Variants in NKAIN2 observed in about 807,000 individuals in gnomAD.
NKAIN2 encodes the protein sodium/potassium transporting ATPase interacting 2.
NKAIN2 carries 14 observed loss-of-function variants against 32.6 expected under a neutral mutation model. That is an observed-to-expected ratio of 0.43 (90% CI 0.28 to 0.67). The LOEUF (loss-of-function observed/expected upper bound fraction) is 0.67. Among genes scored for constraint, NKAIN2 ranks in the 30% least tolerant of loss-of-function variants. NKAIN2 has a pLI of 0.17. For synonymous variants in NKAIN2, 80 were observed against 87.2 expected (o/e 0.92, Z 0.46); for missense variants, 198 against 258.3 (o/e 0.77, Z 1.60).
chr6:123,814,734 C>A (rs535989238), intron 1 of NKAIN2, among the ~76,000 whole-genome samples: 3 of 152,230 alleles, frequency 2.0e-5, no homozygotes, highest in African/African-American at 7.2e-5. Context: ...ACTTTACACA[C>A]AAACTAGGGT....
At chr6:124,151,395 C>T (rs1007575645) in intron 1 of NKAIN2, among the ~76,000 whole-genome samples, 27 of 151,978 alleles carry the variant, frequency 1.8e-4, no homozygotes, top group Admixed American at 3.9e-4. Flanking sequence ...TTTAGATCCT[C>T]CTTTCTCCCT....
At chr6:124,089,673 C>T (rs1488923544) in intron 1 of NKAIN2, among the ~76,000 whole-genome samples, 1 of 151,968 alleles carries the variant, frequency 6.6e-6, no homozygotes, top group African/African-American at 2.4e-5. Flanking sequence ...TACCTCTCTC[C>T]CTTAGAAAGA....
intron 1 of NKAIN2, among the ~76,000 whole-genome samples, chr6:123,874,435 C>T (rs1773066733): frequency 6.6e-6 from 1 of 152,058 alleles, no homozygotes; most frequent in Non-Finnish European, 1.5e-5. Context: ...TGTTTACAGC[C>T]CTGACTGGGA....
At chr6:124,815,964 C>T (rs1781144345) in intron 5 of NKAIN2, among the ~76,000 whole-genome samples, 1 of 152,050 alleles carries the variant, frequency 6.6e-6, no homozygotes, top group African/African-American at 2.4e-5. Flanking sequence ...AGTTGTTTAT[C>T]CAAGGTCACA....
At chr6:124,759,849 C>G (rs1422081426) in intron 4 of NKAIN2, among the ~76,000 whole-genome samples, 1 of 151,718 alleles carries the variant, frequency 6.6e-6, no homozygotes, top group Admixed American at 6.6e-5. Context: ...TCGGAGAAAA[C>G]ATTCACAAGC....
At chr6:124,573,458 A>G (rs1174542491) in intron 3 of NKAIN2, among the ~76,000 whole-genome samples, 1 of 150,724 alleles carries the variant, frequency 6.6e-6, no homozygotes, top group Non-Finnish European at 1.5e-5. Context: ...TGTTGAGACT[A>G]ATTCCTCATA....
At chr6:124,095,804 C>T (rs1784625109) in intron 1 of NKAIN2, among the ~76,000 whole-genome samples, 1 of 152,128 alleles carries the variant, frequency 6.6e-6, no homozygotes, top group Non-Finnish European at 1.5e-5. Context: ...TTGCATTCAA[C>T]ATCAAGCTTA....
intron 1 of NKAIN2, among the ~76,000 whole-genome samples, chr6:123,858,343 C>T (rs1330952734): frequency 5.9e-5 from 9 of 151,952 alleles, no homozygotes; most frequent in South Asian, 2.1e-4. Flanking sequence ...CTCAAACTCC[C>T]GACCTCAGGT....
chr6:124,232,368 A>C (rs1345269392), intron 1 of NKAIN2, among the ~76,000 whole-genome samples: 1 of 152,214 alleles, frequency 6.6e-6, no homozygotes, highest in Non-Finnish European at 1.5e-5. Flanking sequence ...CTGAAATTAA[A>C]GGAAACAGAG....
At chr6:123,820,135 A>G (rs528786617) in intron 1 of NKAIN2, among the ~76,000 whole-genome samples, 1 of 152,314 alleles carries the variant, frequency 6.6e-6, no homozygotes, top group Admixed American at 6.5e-5. Flanking sequence ...AAAATCTTTC[A>G]AAACAATCCA....
intron 4 of NKAIN2, among the ~76,000 whole-genome samples, chr6:124,754,620 A>G (rs1777878801): frequency 6.6e-6 from 1 of 152,112 alleles, no homozygotes; most frequent in Non-Finnish European, 1.5e-5. Context: ...GGCTATTACT[A>G]AAAGTTCAAA....
At chr6:124,413,108 C>A (rs954523917) in intron 3 of NKAIN2, among the ~76,000 whole-genome samples, 1 of 152,132 alleles carries the variant, frequency 6.6e-6, no homozygotes, top group Non-Finnish European at 1.5e-5. Context: ...AATTCCCTGA[C>A]CCCTTGCACT....
chr6:124,210,828 A>G (rs1200012170), intron 1 of NKAIN2, among the ~76,000 whole-genome samples: 3 of 151,780 alleles, frequency 2.0e-5, no homozygotes, highest in Non-Finnish European at 2.9e-5. Flanking sequence ...TATCAGTTCA[A>G]TTAGTTTTTT....
intron 1 of NKAIN2, among the ~76,000 whole-genome samples, chr6:123,881,865 C>T (rs1773473249): frequency 6.6e-6 from 1 of 152,088 alleles, no homozygotes; most frequent in African/African-American, 2.4e-5. Context: ...ATGAATATGA[C>T]ACTTTTAGTC....
At position 124,210,800 on chromosome 6, in the gene NKAIN2, C is replaced by G. The variant is rs569587575; in HGVS notation, c.55-72205C>G. Among the ~76,000 whole-genome samples the G allele has an allele frequency of 1.8e-4, 27 of 151,556 alleles. No individual in the cohort carries two copies. In the Middle Eastern group the frequency reaches 0.01, roughly 57 times the overall value. On this transcript the variant is annotated intron_variant, in intron 1 of 6. Coordinates refer to ENST00000368417, the MANE Select transcript of NKAIN2 (RefSeq NM_001040214.3). ...GATTTTTGAATGTTGATATTGTGTTCTACAACTTTACTGAACTTATCAGTT... is the reference window on the plus strand; with the variant it reads ...GATTTTTGAATGTTGATATTGTGTTGTACAACTTTACTGAACTTATCAGTT...
chr6:124,684,425 T>A (rs1294331924), intron 4 of NKAIN2, among the ~76,000 whole-genome samples: 1 of 152,148 alleles, frequency 6.6e-6, no homozygotes, highest in Non-Finnish European at 1.5e-5. Flanking sequence ...AGTTCAGCAA[T>A]ATTTTTAAAC....
At chr6:124,623,904 T>C (rs529665223) in intron 3 of NKAIN2, among the ~76,000 whole-genome samples, 1 of 152,152 alleles carries the variant, frequency 6.6e-6, no homozygotes, top group Non-Finnish European at 1.5e-5. Context: ...CTGAGATTCA[T>C]TTCAGTCCCC....
chr6:124,239,931 C>T (rs1478533796), intron 1 of NKAIN2, among the ~76,000 whole-genome samples: 1 of 151,920 alleles, frequency 6.6e-6, no homozygotes, highest in Non-Finnish European at 1.5e-5. Context: ...ACGAAAACAC[C>T]TTCAAAAAAT....
At chr6:123,937,681 G>A (rs941281116) in intron 1 of NKAIN2, among the ~76,000 whole-genome samples, 3 of 151,992 alleles carry the variant, frequency 2.0e-5, no homozygotes, top group South Asian at 2.1e-4. Flanking sequence ...GCTAGGGACG[G>A]CCTGCAGTGG....
Sources: allele counts gnomAD v4.1 joint callset (sites outside exome capture counted in the v4.1 genomes callset), GRCh38; gene constraint gnomAD v4.1.1; transcripts MANE v1.5; gene names NCBI Gene and HGNC (gene_info 2026-07-23, HGNC 2026-07-21).